The following CIZ1 variants were observed in gnomAD, a reference collection of about 807,000 sequenced individuals.
The protein encoded by CIZ1 is CDKN1A interacting zinc finger protein 1.
Under a neutral mutation model 118.6 loss-of-function variants are expected in CIZ1, and 58 were observed. The observed-to-expected ratio is 0.49, with a 90% confidence interval of 0.40 to 0.61. The LOEUF (loss-of-function observed/expected upper bound fraction) is 0.61, where lower values mean the gene tolerates loss of function less well. CIZ1 is among the 20% of genes least tolerant of loss of function. CIZ1 has a pLI of 0.00. For missense variants in CIZ1, 921 were observed against 1,115.9 expected, an observed-to-expected ratio of 0.83 and a Z score of 2.49; for synonymous variants, 448 against 443.4, an observed-to-expected ratio of 1.01 and a Z score of -0.13.
chr9:128,184,704 G>A (rs1299375357), intron 5 of CIZ1, among the ~76,000 whole-genome samples: 1 of 151,816 alleles, frequency 6.6e-6, no homozygotes, highest in African/African-American at 2.4e-5. Flanking sequence ...TTTTGCTCTT[G>A]TTCCCCAGGC....
intron 11 of CIZ1, among the ~76,000 whole-genome samples, chr9:128,174,178 T>A (rs1830582887): frequency 6.6e-6 from 1 of 152,218 alleles, no homozygotes; most frequent in Non-Finnish European, 1.5e-5. Context: ...CCCCCCTGCC[T>A]TCCATGGGGA....
rs1176434545 is a variant in CIZ1 at position 128,171,139 on chromosome 9, A to C, written c.1944-1032T>G. 2.6e-5 allele frequency among the ~76,000 whole-genome samples: 4 copies of C among 152,108 alleles called. No individual in the cohort carries two copies. The East Asian group carries it at 7.7e-4, about 29-fold the overall frequency. ...CTGTCTCAAAAATAAATAATAAATA[A>C]ATAAAAAGGGGGCCAGTCGCAGTGG... On this transcript the variant is annotated intron_variant, in intron 11 of 16. Transcript: ENST00000372938.
At chr9:128,183,993 C>G (rs2130987271) in intron 5 of CIZ1, among the ~76,000 whole-genome samples, 1 of 152,304 alleles carries the variant, frequency 6.6e-6, no homozygotes, top group East Asian at 1.9e-4. Flanking sequence ...GTCTTGGACT[C>G]CTGACCTCAA....
At chr9:128,193,184 C>A (rs929348556), upstream of CIZ1, among the ~76,000 whole-genome samples, 1 of 152,156 alleles carries the variant, frequency 6.6e-6, no homozygotes, top group Non-Finnish European at 1.5e-5. Context: ...GAGGCCGGAG[C>A]GCAGGGTGGC....
intron 10 of CIZ1, among the ~76,000 whole-genome samples, chr9:128,177,183 C>G (rs55715246): frequency 6.6e-6 from 1 of 152,132 alleles, no homozygotes; most frequent in Non-Finnish European, 1.5e-5. Context: ...CCACTGTGCC[C>G]GACCCTAAAC....
upstream of CIZ1, among the ~76,000 whole-genome samples, chr9:128,194,550 C>T (rs1490840720): frequency 2.6e-5 from 4 of 151,942 alleles, no homozygotes. Context: ...GGCATGGTGG[C>T]TCACGCCTAC....
chr9:128,202,962 A>G (rs577472596), intron 1 of CIZ1: 1 of 152,282 alleles, frequency 6.6e-6, no homozygotes, highest in African/African-American at 2.4e-5. Context: ...AGAAGAGGAC[A>G]TGTTGGAGAT....
Position 128,166,300 on chromosome 9 carries a change from C to A in CIZ1, c.2594G>T (p.Arg865Leu). Residue 865 changes from arginine (R) to leucine (L), a missense_variant, in exon 17 of 17, where the codon CGC becomes CTC. Transcript: ENST00000372938. The surrounding 1 kb of genome is among the most constrained non-coding windows in gnomAD (Gnocchi z 4.4). ...CTGGGTGTTGGGCTGGGAGGGTGGGCGGCCGCTGGAGGTGAACAGGGCTGT... is the reference window on the plus strand; with the variant it reads ...CTGGGTGTTGGGCTGGGAGGGTGGGAGGCCGCTGGAGGTGAACAGGGCTGT... ...ALTALFTSSG[R>L]PPSQPNTQDK... 5 of 1,564,826 alleles carry A rather than the reference C, an allele frequency of 3.2e-6. No individual in the cohort carries two copies. The highest frequency in any genetic ancestry group is 3.5e-6 in the Non-Finnish European group (4 of 1,153,600).
At chr9:128,189,504 AG>A (rs949186976) in intron 3 of CIZ1, among the ~76,000 whole-genome samples, 1 of 151,918 alleles carries the variant, frequency 6.6e-6, no homozygotes, top group African/African-American at 2.4e-5. Context: ...ACCTCTCCTT[AG>A]GGGGTTATCA....
rs1210832235 is a variant in CIZ1, at chr9:128,181,968, ATAG to A, written c.589-1157_589-1155del. Among the ~76,000 whole-genome samples, 17 of 152,258 alleles carry A rather than the reference ATAG, an allele frequency of 1.1e-4. No individual in the cohort carries two copies. In the South Asian group the frequency reaches 2.9e-3, roughly 26 times the overall value. On this transcript the variant is annotated intron_variant, in intron 5 of 16. Coordinates refer to ENST00000372938, the MANE Select transcript of CIZ1 (RefSeq NM_001131016.2). ...CTGTACACCTGGCTCTGCCTTCCAG[ATAG>A]TAGTAGTCAATTAGTGAAAATACTA...
intron 10 of CIZ1, 89 bp downstream of exon 10, chr9:128,177,477 C>T (rs1202005623): frequency 2.2e-6 from 2 of 894,924 alleles, no homozygotes; most frequent in Admixed American, 3.1e-5. Context: ...GGGGCAGGGC[C>T]CATTGCAGCC....
At chr9:128,193,130 A>G (rs900640755), upstream of CIZ1, among the ~76,000 whole-genome samples, 3 of 152,166 alleles carry the variant, frequency 2.0e-5, no homozygotes, top group African/African-American at 7.2e-5. Context: ...AACCTGGACT[A>G]GTCGTGGAAG....
Position 128,169,009 on chromosome 9 carries a change from GAA to G in CIZ1, c.2295+41_2295+42del, listed in dbSNP as rs750769597. 52 of 1,612,118 alleles carry G rather than the reference GAA, an allele frequency of 3.2e-5. 1 individual carries two copies. In the South Asian group the frequency reaches 5.4e-4, roughly 17 times the overall value. On this transcript the variant is annotated intron_variant, in intron 14 of 16. Transcript: ENST00000372938. Reference sequence around the variant, plus strand: ...TGGGATGAGGTCTGTCCTGGGCTGGGAATCCAGCACCAAGCCCGCCTCCCACA... The same window carrying G: ...TGGGATGAGGTCTGTCCTGGGCTGGGTCCAGCACCAAGCCCGCCTCCCACA...
intron 11 of CIZ1, among the ~76,000 whole-genome samples, chr9:128,174,289 G>C (rs1830594711): frequency 6.6e-6 from 1 of 152,194 alleles, no homozygotes; most frequent in Non-Finnish European, 1.5e-5. Flanking sequence ...ACGTGCACGT[G>C]ACCACAATCA....
chr9:128,178,306 G>C, intron 9 of CIZ1, 63 bp downstream of exon 9: 1 of 1,547,312 alleles, frequency 6.5e-7, no homozygotes, highest in Non-Finnish European at 8.7e-7. Flanking sequence ...GGGGCAGAAA[G>C]AGGCCATCCC....
rs45437098 is a variant in CIZ1, at chr9:128,166,533, C to T, written c.2488-127G>A. ...GCTCTGTGACCCTGCGTGATGCACTCGGCCTCTCTGGGCCGTCTCTGGAGC... is the reference window on the plus strand; with the variant it reads ...GCTCTGTGACCCTGCGTGATGCACTTGGCCTCTCTGGGCCGTCTCTGGAGC... On this transcript the variant is annotated intron_variant, in intron 16 of 16. Coordinates refer to ENST00000372938, the MANE Select transcript of CIZ1 (RefSeq NM_001131016.2). The surrounding 1 kb of genome is among the most constrained non-coding windows in gnomAD (Gnocchi z 4.4). 21,581 of 986,142 alleles carry T rather than the reference C, an allele frequency of 0.022. 2,636 individuals are homozygous for T. In the African/African-American group the frequency reaches 0.28, roughly 13 times the overall value. 61.1% of individuals were successfully genotyped at this position (986,142 alleles called of 1,614,324 possible).
chr9:128,177,768 A>G lies in CIZ1; in HGVS notation c.1621-5T>C. The stretch of plus-strand genomic sequence containing the variant: ...GGAGCCCCCGGCGCCCCATACCTGC[A>G]TGGGGAGTAGGAACTGAACTTCCAT... On this transcript the variant is annotated splice_polypyrimidine_tract_variant and splice_region_variant and intron_variant, in intron 9 of 16. Transcript: ENST00000372938. The G allele has an allele frequency of 6.3e-7, 1 of 1,582,330 alleles. No individual in the cohort carries two copies. The highest frequency in any genetic ancestry group is 8.6e-7 in the Non-Finnish European group (1 of 1,165,274).
Position 128,167,160 on chromosome 9 carries a change from C to T in CIZ1, c.2300G>A (p.Arg767Lys), listed in dbSNP as rs780540900. 8 of 1,584,758 alleles carry T rather than the reference C, an allele frequency of 5.0e-6. No individual in the cohort carries two copies. Among genetic ancestry groups the T allele is most frequent in the Non-Finnish European group, 6.9e-6 (8 of 1,165,612 alleles). ...EVEEELCKQV[R>K]SRDISREEWK... Reference sequence around the variant, plus strand: ...CTCCTCTCTGGATATATCTCTGGACCTCACCTGAAAACATGCAAGTGTGGG... The same window carrying T: ...CTCCTCTCTGGATATATCTCTGGACTTCACCTGAAAACATGCAAGTGTGGG... The change falls in exon 15 of 17, where the codon AGG becomes AAG. Residue 767 changes from arginine to lysine, a missense_variant. By Grantham distance (26) the Arg-to-Lys change is conservative (BLOSUM62 2). Coordinates refer to ENST00000372938, the MANE Select transcript of CIZ1 (RefSeq NM_001131016.2).
At chr9:128,191,788 T>G (rs1833189198), upstream of CIZ1, 1 of 1,431,232 alleles carries the variant, frequency 7.0e-7, no homozygotes, top group African/African-American at 1.5e-5. This position sits in a 1 kb window ranked among gnomAD's most constrained non-coding sequence, Gnocchi z 5.5. Context: ...AAGGTCCGTC[T>G]GCCGCCCGGA....
Sources: allele counts gnomAD v4.1 joint callset (sites outside exome capture counted in the v4.1 genomes callset), GRCh38; gene constraint gnomAD v4.1.1; non-coding constraint Gnocchi (gnomAD v3.1); transcripts MANE v1.5; gene names NCBI Gene and HGNC (gene_info 2026-07-23, HGNC 2026-07-21).